The following PLCE1 variants were observed in gnomAD, a reference collection of about 807,000 sequenced individuals.
PLCE1 encodes the protein phospholipase C epsilon 1.
Under a neutral mutation model 242.8 loss-of-function variants are expected in PLCE1, and 119 were observed. The observed-to-expected ratio is 0.49, with a 90% CI of 0.42 to 0.57. The LOEUF is 0.57. Among genes scored for constraint, PLCE1 ranks in the 20% least tolerant of loss-of-function variants. PLCE1 has a pLI of 0.00. For missense variants in PLCE1, 2,441 were observed against 2,788.8 expected (o/e 0.88, Z 2.81); for synonymous variants, 945 against 1,017.4 (o/e 0.93, Z 1.35).
intron 2 of PLCE1, among the ~76,000 whole-genome samples, chr10:94,043,306 C>T (rs376978930): frequency 4.6e-5 from 7 of 152,292 alleles, no homozygotes; most frequent in African/African-American, 1.7e-4. Context: ...GGAAACCCGA[C>T]GCTTTGGTTT....
chr10:94,249,769 A>G (rs2050809641), intron 8 of PLCE1, among the ~76,000 whole-genome samples: 1 of 152,176 alleles, frequency 6.6e-6, no homozygotes, highest in Non-Finnish European at 1.5e-5. Flanking sequence ...TGGGGTGTGG[A>G]GGAAAGACCA....
intron 11 of PLCE1, among the ~76,000 whole-genome samples, chr10:94,257,536 A>T (rs1280264339): frequency 1.3e-5 from 2 of 152,190 alleles, no homozygotes; most frequent in Non-Finnish European, 2.9e-5. Context: ...TCCATCAATG[A>T]TAGACTGGAT....
intron 2 of PLCE1, among the ~76,000 whole-genome samples, chr10:94,090,211 T>C (rs921479346): frequency 7.2e-5 from 11 of 152,144 alleles, no homozygotes; most frequent in Admixed American, 1.3e-4. Flanking sequence ...AGAATAAAAC[T>C]TGAAAACTGT....
At chr10:94,287,404 A>G (rs2052489192) in intron 22 of PLCE1, 1 of 152,010 alleles carries the variant, frequency 6.6e-6, no homozygotes, top group East Asian at 1.9e-4. Context: ...TAATTTTGCT[A>G]CATTATCAAT....
intron 3 of PLCE1, among the ~76,000 whole-genome samples, chr10:94,155,141 C>A (rs947167538): frequency 8.6e-5 from 13 of 151,770 alleles, no homozygotes; most frequent in African/African-American, 2.9e-4. Flanking sequence ...GTTATATACC[C>A]AAGAGAAGTG....
intron 4 of PLCE1, among the ~76,000 whole-genome samples, chr10:94,200,151 C>T (rs1322595713): frequency 6.6e-6 from 1 of 152,214 alleles, no homozygotes; most frequent in African/African-American, 2.4e-5. Flanking sequence ...TTCCCTTGCT[C>T]TGTCATCTGA....
At chr10:94,225,952 C>G (rs1237988561) in intron 4 of PLCE1, among the ~76,000 whole-genome samples, 3 of 152,220 alleles carry the variant, frequency 2.0e-5, no homozygotes. Context: ...AAAAGTGTTG[C>G]TGTCCAGGCT....
At chr10:94,117,260 A>G (rs2135722688) in intron 2 of PLCE1, among the ~76,000 whole-genome samples, 1 of 152,304 alleles carries the variant, frequency 6.6e-6, no homozygotes, top group East Asian at 1.9e-4. Flanking sequence ...CATGAGTGAC[A>G]GAACCCTCCA....
intron 2 of PLCE1, among the ~76,000 whole-genome samples, chr10:94,130,652 G>T: frequency 6.6e-6 from 1 of 152,144 alleles, no homozygotes; most frequent in East Asian, 1.9e-4. Context: ...TGGCCATGCT[G>T]GCCACTAGAA....
At chr10:94,181,501 A>T (rs910227780) in intron 4 of PLCE1, among the ~76,000 whole-genome samples, 22 of 151,436 alleles carry the variant, frequency 1.5e-4, no homozygotes, top group Non-Finnish European at 2.8e-4. Flanking sequence ...GCGTGAACCC[A>T]GGAGGCGGAG....
chr10:93,995,754 T>C (rs1194591978), intron 1 of PLCE1, among the ~76,000 whole-genome samples: 1 of 152,232 alleles, frequency 6.6e-6, no homozygotes, highest in African/African-American at 2.4e-5. Flanking sequence ...AGAAGCCAGA[T>C]TGAACTGGAG....
Position 94,324,892 on chromosome 10 carries a change from G to T in PLCE1, c.6721G>T (p.Ala2241Ser), listed in dbSNP as rs770345226. Residue 2241 changes from alanine (A) to serine (S), a missense_variant and splice_region_variant, in exon 32 of 33, where the codon GCA (alanine) becomes TCA (serine). By Grantham distance (99) the Ala-to-Ser change is moderately conservative. Transcript: ENST00000371380. Reference protein sequence around the residue: ...FILKLKEQVQASREDKKKGIS... With the variant: ...FILKLKEQVQSSREDKKKGIS... ...AATGGAAGGTTCTTTGTTCCCACAG[G>T]CATCTCGAGAAGATAAAAAGAAAGG... is the stretch of plus-strand genomic sequence containing the variant. 1.9e-6 allele frequency: 3 copies of T among 1,613,840 alleles called. No homozygotes were observed. The highest frequency in any genetic ancestry group is 2.2e-5 in the East Asian group (1 of 44,890).
At chr10:94,244,153 A>G (rs1235461292) in intron 7 of PLCE1, among the ~76,000 whole-genome samples, 2 of 152,180 alleles carry the variant, frequency 1.3e-5, no homozygotes, top group Non-Finnish European at 2.9e-5. Flanking sequence ...GCAAGGATGT[A>G]GAACCTGCTG....
intron 4 of PLCE1, among the ~76,000 whole-genome samples, chr10:94,202,502 G>A (rs908342231): frequency 2.0e-5 from 3 of 152,056 alleles, no homozygotes; most frequent in East Asian, 1.9e-4. Context: ...AGAAGCTGAC[G>A]CTACCCCGAC....
At chr10:94,004,245 C>A (rs921731476) in intron 1 of PLCE1, among the ~76,000 whole-genome samples, 1 of 152,144 alleles carries the variant, frequency 6.6e-6, no homozygotes, top group Non-Finnish European at 1.5e-5. Flanking sequence ...TAGACACCAT[C>A]CTTGAGGATT....
chr10:94,189,288 A>G (rs960846757), intron 4 of PLCE1, among the ~76,000 whole-genome samples: 1 of 148,330 alleles, frequency 6.7e-6, no homozygotes, highest in Non-Finnish European at 1.5e-5. Context: ...TATTTAATAT[A>G]TATTATATAA....
chr10:94,105,927 T>C (rs1304284921), intron 2 of PLCE1: 4 of 152,214 alleles, frequency 2.6e-5, no homozygotes, highest in African/African-American at 9.6e-5. Flanking sequence ...TTTATGAGTG[T>C]TAACTCGTTT....
chr10:94,214,815 G>A (rs2049462227), intron 4 of PLCE1, among the ~76,000 whole-genome samples: 2 of 152,176 alleles, frequency 1.3e-5, no homozygotes, highest in South Asian at 4.1e-4. Context: ...GTGAATCACA[G>A]CATGGTCTCC....
At chr10:94,015,838 G>T (rs2061268048) in intron 1 of PLCE1, among the ~76,000 whole-genome samples, 1 of 152,186 alleles carries the variant, frequency 6.6e-6, no homozygotes, top group African/African-American at 2.4e-5. Context: ...TTGGCCGAAT[G>T]AAATATAAAC....
Sources: allele counts gnomAD v4.1 joint callset (sites outside exome capture counted in the v4.1 genomes callset), GRCh38; gene constraint gnomAD v4.1.1; transcripts MANE v1.5; gene names NCBI Gene and HGNC (gene_info 2026-07-23, HGNC 2026-07-21).